Variants in DNAH7 observed in about 807,000 individuals in gnomAD.
DNAH7 encodes the protein axonemal beta dynein heavy chain 7.
A neutral mutation model predicts 444.6 loss-of-function variants in DNAH7; 397 were observed. The observed-to-expected ratio is 0.89, with a 90% CI of 0.82 to 0.97. The LOEUF is 0.97. Among genes scored for constraint, DNAH7 ranks in the 50% least tolerant of loss-of-function variants. DNAH7 has a pLI of 0.00. For synonymous variants in DNAH7, 1,636 were observed against 1,624.4 expected (o/e 1.01, Z -0.17); for missense variants, 4,902 against 4,800.8 (o/e 1.02, Z -0.62).
At chr2:196,052,520 G>A (rs1202531578) in intron 2 of DNAH7, among the ~76,000 whole-genome samples, 1 of 152,204 alleles carries the variant, frequency 6.6e-6, no homozygotes, top group Non-Finnish European at 1.5e-5. Context: ...ATTACCATAT[G>A]TGTTCCACAT....
rs1701079880 is a variant in DNAH7, at chr2:195,876,655, CAG to C, written c.6004_6005del (p.Leu2002AlafsTer3). 2 of 1,608,542 alleles carry C rather than the reference CAG, an allele frequency of 1.2e-6. No individual in the cohort carries two copies. The highest frequency in any genetic ancestry group is 1.7e-6 in the Non-Finnish European group (2 of 1,175,342). ...NQLNKEIYKP[L>X]LINFSAQTTA... The stretch of plus-strand genomic sequence containing the variant: ...TAGTTTGTGCTGAGAAGTTAATTAG[CAG>C]AGGTTTGTAGATTTCCTTATTTAGT... On this transcript the variant is annotated frameshift_variant, in exon 37 of 65. Transcript: ENST00000312428. LOFTEE classifies it high-confidence loss of function.
chr2:195,934,156 A>C (rs1688888871), intron 21 of DNAH7, among the ~76,000 whole-genome samples: 1 of 152,218 alleles, frequency 6.6e-6, no homozygotes, highest in South Asian at 2.1e-4. Context: ...TAATTGTAGG[A>C]AGCATACATT....
Position 195,864,254 on chromosome 2 carries a change from G to C in DNAH7, c.7401C>G (p.Ser2467Arg). 1.9e-6 allele frequency: 3 copies of C among 1,614,156 alleles called. No homozygotes were observed. Among genetic ancestry groups the C allele is most frequent in the Non-Finnish European group, 2.5e-6 (3 of 1,180,014 alleles). The change falls in exon 41 of 65, where the codon AGC becomes AGG. Residue 2467 changes from serine (S) to arginine (R), a missense_variant. By Grantham distance (110) the Ser-to-Arg change is moderately radical (BLOSUM62 -1). Transcript: ENST00000312428. ...TCATGGCAAGGACCACATGCAGTTG[G>C]CTGCGGCAATGATCAATAAACATGT... ...LFNMFIDHCR[S>R]QLHVVLAMSP...
At chr2:195,970,844 C>T (rs544167021) in intron 16 of DNAH7, among the ~76,000 whole-genome samples, 1 of 152,196 alleles carries the variant, frequency 6.6e-6, no homozygotes, top group African/African-American at 2.4e-5. Context: ...GTCCTCTTTT[C>T]TCTAGTTTCC....
intron 47 of DNAH7, among the ~76,000 whole-genome samples, chr2:195,841,776 T>C (rs905511707): frequency 3.9e-5 from 6 of 152,106 alleles, no homozygotes; most frequent in Admixed American, 3.3e-4. Flanking sequence ...TTAAAATCAG[T>C]GGTTCCCAAA....
At chr2:195,759,122 A>C (rs1385306187) in intron 61 of DNAH7, among the ~76,000 whole-genome samples, 3 of 152,162 alleles carry the variant, frequency 2.0e-5, no homozygotes. Context: ...TTGCAGCTCC[A>C]GGAGAGACTA....
At chr2:195,965,216 T>C (rs1287375051) in intron 17 of DNAH7, among the ~76,000 whole-genome samples, 2 of 152,204 alleles carry the variant, frequency 1.3e-5, no homozygotes, top group Admixed American at 6.5e-5. Flanking sequence ...TCAGCACCAA[T>C]TGAAATGATC....
At chr2:195,893,663 C>A (rs1702143753) in intron 30 of DNAH7, 1 of 152,198 alleles carries the variant, frequency 6.6e-6, no homozygotes, top group African/African-American at 2.4e-5. Context: ...TTAATCAGAA[C>A]AAAGTTGCTG....
intron 64 of DNAH7, among the ~76,000 whole-genome samples, 139 bp downstream of exon 64, chr2:195,740,607 GTGTGTGTGTATATATATATA>G (rs1399419588): frequency 1.8e-5 from 1 of 55,106 alleles, no homozygotes; most frequent in Non-Finnish European, 3.8e-5. Flanking sequence ...GTGTGTGTGT[GTGTGTGTGTATATATATATA>G]TATATATATA....
intron 48 of DNAH7, among the ~76,000 whole-genome samples, chr2:195,826,088 T>C (rs1697733014): frequency 6.6e-6 from 1 of 152,260 alleles, no homozygotes; most frequent in South Asian, 2.1e-4. Context: ...TTTATACTAT[T>C]ATTAATAATG....
rs577518667 is a variant in DNAH7, at chr2:196,018,461, T to C, written c.869+709A>G. On this transcript the variant is annotated intron_variant, in intron 9 of 64. Coordinates refer to ENST00000312428, the MANE Select transcript of DNAH7 (RefSeq NM_018897.3). ...ACAAAGGGACCAGTGAATAATAACA[T>C]ATTTACAAGGTTATTTCCTGATGCA... 1.1e-4 allele frequency among the ~76,000 whole-genome samples: 17 copies of C among 152,248 alleles called. No homozygotes were observed. In the East Asian group the frequency reaches 3.3e-3, roughly 29 times the overall value.
intron 2 of DNAH7, among the ~76,000 whole-genome samples, chr2:196,057,203 C>T (rs894605754): frequency 2.0e-5 from 3 of 151,960 alleles, no homozygotes; most frequent in African/African-American, 4.8e-5. Flanking sequence ...TCAAAGGATA[C>T]GGAAGGAAAA....
rs571283200 is a variant in DNAH7 at position 195,834,279 on chromosome 2, A to G, written c.9027T>C (p.Ser3009=). The G allele has an allele frequency of 7.5e-6, 12 of 1,609,646 alleles. No homozygotes were observed. The South Asian group carries it at 7.7e-5, about 10-fold the overall frequency. Residue 3009 remains serine (S), a synonymous_variant, in exon 48 of 65, where the codon AGT becomes AGC. Transcript: ENST00000312428. ...KWIKNMEKAN[S]LYVIKLSEPD... ...GTTCACTAAGTTTAATCACATAAAG[A>G]CTATTGGCTTTTTCCATGTTCTTGA...
chr2:195,812,399 A>G (rs1306118110), intron 51 of DNAH7, among the ~76,000 whole-genome samples: 2 of 152,190 alleles, frequency 1.3e-5, no homozygotes, highest in East Asian at 3.9e-4. Flanking sequence ...ACAATTACAT[A>G]TACATGCATA....
intron 22 of DNAH7, among the ~76,000 whole-genome samples, chr2:195,925,101 G>A (rs1373893124): frequency 6.6e-6 from 1 of 151,670 alleles, no homozygotes; most frequent in Non-Finnish European, 1.5e-5. Context: ...TCTCCAAGGG[G>A]CACTTTTCTT....
Position 195,923,802 on chromosome 2 carries a change from A to G in DNAH7, c.3618T>C (p.Leu1206=), listed in dbSNP as rs948313889. The G allele has an allele frequency of 1.9e-6, 3 of 1,613,652 alleles. No individual in the cohort carries two copies. Among genetic ancestry groups the G allele is most frequent in the Middle Eastern group, 3.3e-4 (2 of 6,062 alleles). Residue 1206 remains leucine, a synonymous_variant, in exon 23 of 65, where the codon CTT becomes CTC. Transcript: ENST00000312428. Reference sequence around the variant, plus strand: ...TGTTACATGTTTTCAAGTATTGCTCAAGAGCCTGAAAGAAAAGAAAATAAG... The same window carrying G: ...TGTTACATGTTTTCAAGTATTGCTCGAGAGCCTGAAAGAAAAGAAAATAAG... ...QTAIPMGIKA[L]EQYLKTCNRQ...
intron 12 of DNAH7, chr2:195,994,851 C>T: frequency 2.3e-6 from 1 of 427,000 alleles, no homozygotes. Context: ...CCTGACTGAG[C>T]TTGGTTGCTT....
intron 17 of DNAH7, among the ~76,000 whole-genome samples, chr2:195,966,453 T>C (rs888267235): frequency 1.3e-5 from 2 of 152,150 alleles, no homozygotes; most frequent in Non-Finnish European, 2.9e-5. Flanking sequence ...CTGTAAATAT[T>C]TATTATGTTC....
At chr2:195,956,448 C>T (rs762302904) in intron 19 of DNAH7, among the ~76,000 whole-genome samples, 14 of 152,018 alleles carry the variant, frequency 9.2e-5, no homozygotes, top group Admixed American at 3.3e-4. Context: ...GTCAAGAGAT[C>T]GAGACCAGCC....
Sources: allele counts gnomAD v4.1 joint callset (sites outside exome capture counted in the v4.1 genomes callset), GRCh38; gene constraint gnomAD v4.1.1; transcripts MANE v1.5; gene names NCBI Gene and HGNC (gene_info 2026-07-23, HGNC 2026-07-21).